Variants in RASGRF2 observed in about 807,000 individuals in gnomAD.
The protein encoded by RASGRF2 is ras-specific guanine nucleotide-releasing factor 2.
Under a neutral mutation model 151.0 loss-of-function variants are expected in RASGRF2, and 76 were observed. The ratio of observed to expected loss-of-function variants is 0.50; its 90% CI spans 0.42 to 0.61. The LOEUF is 0.61. Ranked by LOEUF, RASGRF2 falls within the 20% of genes least tolerant of loss-of-function variation. The pLI is 0.00. For missense variants in RASGRF2, 1,148 were observed against 1,564.6 expected, an observed-to-expected ratio of 0.73 and a Z score of 4.49; for synonymous variants, 504 against 566.5, an observed-to-expected ratio of 0.89 and a Z score of 1.57.
At chr5:81,166,786 C>T (rs530064966) in intron 17 of RASGRF2, among the ~76,000 whole-genome samples, 1 of 152,050 alleles carries the variant, frequency 6.6e-6, no homozygotes, top group Non-Finnish European at 1.5e-5. Flanking sequence ...AGATAAGCTC[C>T]TTTTGTGACC....
chr5:81,012,459 C>T (rs1471748658), intron 1 of RASGRF2, among the ~76,000 whole-genome samples: 1 of 152,126 alleles, frequency 6.6e-6, no homozygotes. Flanking sequence ...CATTTACATC[C>T]AGCAGATCTC....
intron 23 of RASGRF2, 51 bp from the exon 24 acceptor site, chr5:81,215,824 CT>C: frequency 1.4e-6 from 2 of 1,457,342 alleles, no homozygotes; most frequent in South Asian, 1.6e-5. Context: ...AATTCACTGT[CT>C]TTTTAAACCA....
At chr5:81,094,394 T>C (rs1752478070) in intron 11 of RASGRF2, 32 bp downstream of exon 11, 1 of 1,589,638 alleles carries the variant, frequency 6.3e-7, no homozygotes, top group Admixed American at 1.7e-5. Flanking sequence ...AGGATTCTAT[T>C]AGAATTAGAG....
chr5:80,996,875 C>A (rs1748901838), intron 1 of RASGRF2, among the ~76,000 whole-genome samples: 1 of 151,928 alleles, frequency 6.6e-6, no homozygotes, highest in Admixed American at 6.6e-5. Context: ...TGTTTTACTT[C>A]TTTGGTGTAT....
At chr5:80,969,952 G>C (rs7701015) in intron 1 of RASGRF2, among the ~76,000 whole-genome samples, 1 of 149,002 alleles carries the variant, frequency 6.7e-6, no homozygotes, top group Non-Finnish European at 1.5e-5. Flanking sequence ...TCAGCCTCTC[G>C]AGTAGCTGGG....
chr5:81,004,843 C>CTGAT (rs1407769441), intron 1 of RASGRF2, among the ~76,000 whole-genome samples: 5 of 152,296 alleles, frequency 3.3e-5, no homozygotes, highest in Middle Eastern at 3.4e-3. Flanking sequence ...ATCTATGTAG[C>CTGAT]TGATTGTTCT....
At chr5:81,069,770 G>A (rs972362782) in intron 3 of RASGRF2, among the ~76,000 whole-genome samples, 2 of 152,174 alleles carry the variant, frequency 1.3e-5, no homozygotes, top group Non-Finnish European at 2.9e-5. Flanking sequence ...AACTTTTAAG[G>A]TATTGCTGGC....
chr5:81,084,025 G>A (rs955647094), intron 7 of RASGRF2, among the ~76,000 whole-genome samples: 12 of 152,194 alleles, frequency 7.9e-5, no homozygotes, highest in African/African-American at 1.4e-4. Flanking sequence ...GCAGAACTTC[G>A]TTTGCCTGCT....
At chr5:81,104,228 T>A (rs773144780) in intron 12 of RASGRF2, among the ~76,000 whole-genome samples, 1 of 152,102 alleles carries the variant, frequency 6.6e-6, no homozygotes, top group Non-Finnish European at 1.5e-5. Context: ...TTAAGTCTAG[T>A]GGCTGGTATG....
intron 10 of RASGRF2, among the ~76,000 whole-genome samples, chr5:81,093,683 A>G (rs973213925): frequency 1.3e-5 from 2 of 152,086 alleles, no homozygotes; most frequent in Non-Finnish European, 2.9e-5. Flanking sequence ...CCAAAGTGCT[A>G]GTGTGAGCCA....
At chr5:81,061,414 T>C (rs184668713) in intron 2 of RASGRF2, among the ~76,000 whole-genome samples, 1 of 152,330 alleles carries the variant, frequency 6.6e-6, no homozygotes, top group Non-Finnish European at 1.5e-5. Context: ...TATATGACAA[T>C]ATCTATTTAC....
intron 17 of RASGRF2, among the ~76,000 whole-genome samples, chr5:81,161,745 A>T (rs572590343): frequency 3.0e-4 from 45 of 152,322 alleles, no homozygotes; most frequent in African/African-American, 9.4e-4. Flanking sequence ...AGAGATTCCC[A>T]TATATGAACT....
Position 81,094,918 on chromosome 5 carries a change from G to T in RASGRF2, c.1681G>T (p.Ala561Ser), listed in dbSNP as rs553413159. Residue 561 changes from alanine to serine, a missense_variant, in exon 12 of 27, where the codon GCT (alanine) becomes TCT (serine). This residue lies in a region of RASGRF2 where 646 missense variants were observed against 807.4 expected (regional missense o/e 0.80). Coordinates refer to ENST00000265080, the MANE Select transcript of RASGRF2 (RefSeq NM_006909.3). ...DFKIVVEPPD[A>S]AAFTVVLLAP... Reference sequence around the variant, plus strand: ...TAAAATAGTGGTGGAGCCTCCTGACGCTGCCGCCTTCACTGTTGTCTTGTT... The same window carrying T: ...TAAAATAGTGGTGGAGCCTCCTGACTCTGCCGCCTTCACTGTTGTCTTGTT... 2 of 1,603,368 alleles carry T rather than the reference G, an allele frequency of 1.2e-6. No homozygotes were observed. The highest frequency in any genetic ancestry group is 1.7e-4 in the Middle Eastern group (1 of 6,044).
chr5:81,100,428 G>A (rs1007222700), intron 12 of RASGRF2, among the ~76,000 whole-genome samples: 19 of 152,208 alleles, frequency 1.2e-4, no homozygotes, highest in East Asian at 3.9e-4. Context: ...TAGAAGGAAC[G>A]ATTGCTTGAA....
At chr5:80,981,763 G>A (rs537553464) in intron 1 of RASGRF2, among the ~76,000 whole-genome samples, 3 of 152,076 alleles carry the variant, frequency 2.0e-5, no homozygotes, top group Admixed American at 6.6e-5. Flanking sequence ...AAGGGATTTC[G>A]CCATGTTGGC....
At chr5:81,080,482 G>A (rs776473478) in intron 6 of RASGRF2, 114 bp from the exon 7 acceptor site, 87 of 1,177,756 alleles carry the variant, frequency 7.4e-5, no homozygotes, top group South Asian at 1.7e-4. Flanking sequence ...TCAGGGTTGC[G>A]GCTCCATGCA....
intron 1 of RASGRF2, among the ~76,000 whole-genome samples, chr5:81,036,007 T>C (rs556710711): frequency 1.3e-5 from 2 of 152,268 alleles, no homozygotes; most frequent in African/African-American, 4.8e-5. Flanking sequence ...GAAGTCCTAC[T>C]TATTTCAGAA....
chr5:81,203,021 A>G (rs978625411), intron 19 of RASGRF2, among the ~76,000 whole-genome samples: 1 of 152,242 alleles, frequency 6.6e-6, no homozygotes, highest in Non-Finnish European at 1.5e-5. Flanking sequence ...CCTAGGAAAC[A>G]GTTAGGGGCC....
chr5:81,220,561 T>C (rs1755835705), intron 26 of RASGRF2, among the ~76,000 whole-genome samples: 1 of 152,218 alleles, frequency 6.6e-6, no homozygotes, highest in South Asian at 2.1e-4. Flanking sequence ...CTTGGCTCAC[T>C]ACAAGCTCCA....
Sources: allele counts gnomAD v4.1 joint callset (sites outside exome capture counted in the v4.1 genomes callset), GRCh38; gene constraint gnomAD v4.1.1; regional missense constraint gnomAD v4.1.1; transcripts MANE v1.5; gene names NCBI Gene and HGNC (gene_info 2026-07-23, HGNC 2026-07-21).